VSTM2A: variants seen among roughly 807,000 people sequenced by gnomAD.
VSTM2A encodes V-set and transmembrane domain-containing protein 2A.
Under a neutral mutation model 27.3 loss-of-function variants are expected in VSTM2A, and 13 were observed. That is an observed-to-expected ratio of 0.48 (90% CI 0.31 to 0.76). The LOEUF is 0.76. VSTM2A is among the 30% of genes least tolerant of loss of function. The pLI is 0.05. For missense variants in VSTM2A, 280 were observed against 310.0 expected (o/e 0.90, Z 0.73); for synonymous variants, 142 against 125.7 (o/e 1.13, Z -0.87).
At chr7:54,562,355 C>CT (rs1179739825) in intron 4 of VSTM2A, among the ~76,000 whole-genome samples, 12 of 152,096 alleles carry the variant, frequency 7.9e-5, no homozygotes, top group African/African-American at 2.9e-4. Context: ...TTTTTTCACT[C>CT]TGAGTTCCTC....
At chr7:54,553,743 A>G in intron 4 of VSTM2A, 1 of 1,330,952 alleles carries the variant, frequency 7.5e-7, no homozygotes, top group Non-Finnish European at 1.0e-6. Flanking sequence ...CAGGATCTTG[A>G]CCAGGATGGA....
chr7:54,559,776 A>G, intron 4 of VSTM2A: 1 of 152,320 alleles, frequency 6.6e-6, no homozygotes, highest in African/African-American at 2.4e-5. Flanking sequence ...TACAGTGAAC[A>G]TCAAGCAGCT....
chr7:54,561,240 T>C (rs1383640639), intron 4 of VSTM2A, among the ~76,000 whole-genome samples: 1 of 152,214 alleles, frequency 6.6e-6, no homozygotes, highest in Non-Finnish European at 1.5e-5. Flanking sequence ...TTGCAGCACC[T>C]AGCATTGTGT....
intron 4 of VSTM2A, chr7:54,557,795 A>G (rs369519939): frequency 5.9e-5 from 9 of 152,216 alleles, no homozygotes; most frequent in South Asian, 2.1e-4. Flanking sequence ...CTTATATACA[A>G]TTATCAGCAA....
chr7:54,565,034 TG>T (rs1346026151), intron 4 of VSTM2A, among the ~76,000 whole-genome samples: 5 of 152,238 alleles, frequency 3.3e-5, no homozygotes, highest in Non-Finnish European at 7.3e-5. Context: ...ATGTGAACTA[TG>T]GTATATGTGG....
At chr7:54,564,246 C>T (rs1788653769) in intron 4 of VSTM2A, among the ~76,000 whole-genome samples, 1 of 152,146 alleles carries the variant, frequency 6.6e-6, no homozygotes. Flanking sequence ...TTCACTTTTA[C>T]AAAACAAAGA....
At position 54,549,959 on chromosome 7, in the gene VSTM2A, G is replaced by A. The variant is rs373001932; in HGVS notation, c.423G>A (p.Lys141=). 8.1e-6 allele frequency: 13 copies of A among 1,613,626 alleles called. No individual in the cohort carries two copies. Among genetic ancestry groups the A allele is most frequent in the Non-Finnish European group, 1.1e-5 (13 of 1,179,796 alleles). Reference sequence around the variant, plus strand: ...ACTACGGGGAGCTTCAGGAACACAAGGCCCAGGCCTATCTGAAAGTCAATG... The same window carrying A: ...ACTACGGGGAGCTTCAGGAACACAAAGCCCAGGCCTATCTGAAAGTCAATG... ...DANYGELQEH[K]AQAYLKVNAN... Residue 141 remains lysine (K), a synonymous_variant, in exon 4 of 5, where the codon AAG becomes AAA. Coordinates refer to ENST00000402613, the MANE Select transcript of VSTM2A (RefSeq NM_001301009.2).
chr7:54,545,836 AG>A, intron 2 of VSTM2A, among the ~76,000 whole-genome samples: 1 of 78,772 alleles, frequency 1.3e-5, no homozygotes, highest in Non-Finnish European at 2.4e-5. Flanking sequence ...AGAGAAGGGG[AG>A]GGGGAAGGAA....
At chr7:54,560,652 T>C (rs1261517906) in intron 4 of VSTM2A, among the ~76,000 whole-genome samples, 1 of 152,146 alleles carries the variant, frequency 6.6e-6, no homozygotes, top group African/African-American at 2.4e-5. Flanking sequence ...CAGAATCCTA[T>C]AGGTATAAAA....
intron 2 of VSTM2A, chr7:54,546,556 CCCCCCGCCTG>C (rs1787983120): frequency 6.7e-6 from 1 of 148,240 alleles, no homozygotes; most frequent in Non-Finnish European, 1.4e-5. Flanking sequence ...CCCCTGGCGC[CCCCCCGCCTG>C]CCCGCCCGCC....
At chr7:54,559,059 A>G (rs943606512) in intron 4 of VSTM2A, 1 of 152,108 alleles carries the variant, frequency 6.6e-6, no homozygotes, top group African/African-American at 2.4e-5. Flanking sequence ...ACCCACTCCT[A>G]ATCACTCCTA....
chr7:54,556,592 A>G (rs1158158366), intron 4 of VSTM2A, among the ~76,000 whole-genome samples: 1 of 152,224 alleles, frequency 6.6e-6, no homozygotes, highest in East Asian at 1.9e-4. Flanking sequence ...CACAGGTTAA[A>G]TTAATTTAAT....
At chr7:54,552,237 A>G (rs2115833061) in intron 4 of VSTM2A, 1 of 152,336 alleles carries the variant, frequency 6.6e-6, no homozygotes, top group South Asian at 2.1e-4. Flanking sequence ...TGCTTATATC[A>G]AAGAGTAACT....
intron 4 of VSTM2A, chr7:54,551,046 T>G (rs1166210537): frequency 6.6e-6 from 1 of 151,990 alleles, no homozygotes; most frequent in African/African-American, 2.4e-5. Context: ...GAAAATTACA[T>G]TGCTAATATT....
At position 54,542,712 on chromosome 7, in the gene VSTM2A, A is replaced by AC. The variant is rs754790574; in HGVS notation, c.-13dup. On this transcript the variant is annotated 5_prime_UTR_variant, in exon 1 of 5. Transcript: ENST00000402613. ...TTCGGCTGTTGGCTACACTGATGTG[A>AC]CCCCCCTCCCTTTTTGGAATGATGG... is the stretch of plus-strand genomic sequence containing the variant. 4.3e-5 allele frequency: 69 copies of AC among 1,611,446 alleles called. No homozygotes were observed. The highest frequency in any genetic ancestry group is 5.8e-5 in the Non-Finnish European group (68 of 1,178,708).
At position 54,542,422 on chromosome 7, in the gene VSTM2A, C is replaced by G; in HGVS notation, c.-309C>G. 6.5e-6 allele frequency: 3 copies of G among 459,086 alleles called. No homozygotes were observed. The highest frequency in any genetic ancestry group is 2.0e-5 in the African/African-American group (1 of 50,502). The allele number at this position is 459,086 out of a possible 1,614,324, so 28.4% of individuals were successfully genotyped here. ...TTAGGGAGGGCAGTGATCACGCAAG[C>G]CGGAGCGGCGGGCTGACGTTGGACG... On this transcript the variant is annotated 5_prime_UTR_variant, in exon 1 of 5. Coordinates refer to ENST00000402613, the MANE Select transcript of VSTM2A (RefSeq NM_001301009.2).
At chr7:54,568,932 G>A in intron 4 of VSTM2A, 199 bp from the exon 5 acceptor site, 5 of 1,475,030 alleles carry the variant, frequency 3.4e-6, no homozygotes, top group Non-Finnish European at 4.6e-6. Context: ...ATATATATAT[G>A]TATGTGTTTA....
intron 2 of VSTM2A, 130 bp from the exon 3 acceptor site, chr7:54,546,817 G>GCCCCTGGTCGCCCCCCTGT: frequency 3.5e-6 from 4 of 1,147,644 alleles, no homozygotes; most frequent in Non-Finnish European, 4.8e-6. Context: ...GGGTGGCCAC[G>GCCCCTGGTCGCCCCCCTGT]CCCCTGGTCG....
intron 4 of VSTM2A, among the ~76,000 whole-genome samples, chr7:54,564,834 G>A (rs1235261370): frequency 2.1e-5 from 3 of 145,228 alleles, no homozygotes; most frequent in African/African-American, 7.7e-5. Context: ...TTTGTAAGCT[G>A]TAAAAGTCTA....
Sources: gnomAD v4.1 joint callset for allele counts (sites outside exome capture counted in the v4.1 genomes callset) on GRCh38, gnomAD v4.1.1 for gene constraint, MANE v1.5 for transcripts, NCBI Gene and HGNC (gene_info 2026-07-23, HGNC 2026-07-21) for gene names.